PLXDC2: variants seen among roughly 807,000 people sequenced by gnomAD.
PLXDC2 encodes the protein plexin domain containing 2.
PLXDC2 carries 40 observed loss-of-function variants against 68.9 expected under a neutral mutation model. The observed-to-expected ratio is 0.58, with a 90% CI of 0.45 to 0.76. The LOEUF (loss-of-function observed/expected upper bound fraction) is 0.76. Among genes scored for constraint, PLXDC2 ranks in the 30% least tolerant of loss-of-function variants. PLXDC2 has a pLI of 0.00. For synonymous variants in PLXDC2, 243 were observed against 234.2 expected, an observed-to-expected ratio of 1.04 and a Z score of -0.34; for missense variants, 644 against 661.9, an observed-to-expected ratio of 0.97 and a Z score of 0.30.
At chr10:19,997,119 C>T (rs1336707413) in intron 1 of PLXDC2, among the ~76,000 whole-genome samples, 2 of 152,194 alleles carry the variant, frequency 1.3e-5, no homozygotes, top group Admixed American at 6.5e-5. Context: ...TCCCATTCAA[C>T]TCCTTAGTAT....
intron 5 of PLXDC2, among the ~76,000 whole-genome samples, chr10:20,146,425 C>A (rs1485256087): frequency 6.7e-6 from 1 of 148,700 alleles, no homozygotes; most frequent in Non-Finnish European, 1.5e-5. Flanking sequence ...TTCTTTCTTT[C>A]TTTCTTTTTC....
At chr10:20,039,579 A>G (rs1454545598) in intron 2 of PLXDC2, among the ~76,000 whole-genome samples, 4 of 152,214 alleles carry the variant, frequency 2.6e-5, no homozygotes, top group Non-Finnish European at 5.9e-5. Flanking sequence ...TAGAAATTCT[A>G]TAGAACTATT....
At chr10:20,018,569 C>A (rs1402566400) in intron 2 of PLXDC2, among the ~76,000 whole-genome samples, 2 of 152,176 alleles carry the variant, frequency 1.3e-5, no homozygotes, top group African/African-American at 4.8e-5. Flanking sequence ...AGGAAATTTA[C>A]TGCCTGCTTA....
intron 2 of PLXDC2, among the ~76,000 whole-genome samples, chr10:20,044,232 T>C (rs1298873014): frequency 2.5e-5 from 2 of 79,112 alleles, no homozygotes; most frequent in African/African-American, 6.4e-5. Context: ...TTTCTTTCTT[T>C]CTTTCTTTCT....
rs368518291 is a variant in PLXDC2 at position 20,169,582 on chromosome 10, A to G, written c.883+5015A>G. Among the ~76,000 whole-genome samples the G allele has an allele frequency of 3.1e-4, 47 of 152,190 alleles. 1 individual carries two copies. Among genetic ancestry groups the G allele is most frequent in the African/African-American group, 9.9e-4 (41 of 41,540 alleles). ...CACTAATTTGTTTCTCTCTCCTCCA[A>G]TGTAACATTTTGAATTTCAATCATC... On this transcript the variant is annotated intron_variant, in intron 7 of 13. Transcript: ENST00000377252.
chr10:20,208,374 G>T (rs951391611), intron 9 of PLXDC2, among the ~76,000 whole-genome samples: 2 of 152,092 alleles, frequency 1.3e-5, no homozygotes, highest in African/African-American at 4.8e-5. Flanking sequence ...AAAGCCATCA[G>T]ATCTTGTGAG....
intron 1 of PLXDC2, among the ~76,000 whole-genome samples, chr10:19,922,797 A>C (rs1046772666): frequency 6.6e-6 from 1 of 152,142 alleles, no homozygotes; most frequent in Non-Finnish European, 1.5e-5. Flanking sequence ...AGAAATTCCC[A>C]TTTTGGACTG....
intron 9 of PLXDC2, among the ~76,000 whole-genome samples, chr10:20,210,887 T>A (rs978056103): frequency 2.0e-5 from 3 of 152,160 alleles, no homozygotes; most frequent in Non-Finnish European, 4.4e-5. Context: ...TCTCCAGGGT[T>A]TTTATTAAGG....
intron 7 of PLXDC2, among the ~76,000 whole-genome samples, chr10:20,172,346 G>T (rs543565655): frequency 4.1e-4 from 63 of 152,056 alleles, no homozygotes; most frequent in African/African-American, 1.5e-3. Context: ...AAAACACCAG[G>T]TTCAGGACAA....
chr10:20,129,997 T>C (rs1833846147), intron 4 of PLXDC2, among the ~76,000 whole-genome samples: 1 of 152,324 alleles, frequency 6.6e-6, no homozygotes, highest in Non-Finnish European at 1.5e-5. Flanking sequence ...GTTACAGGCC[T>C]TTTGTGGTTC....
chr10:19,867,169 A>G (rs1837436172), intron 1 of PLXDC2, among the ~76,000 whole-genome samples: 1 of 150,590 alleles, frequency 6.6e-6, no homozygotes, highest in Non-Finnish European at 1.5e-5. Context: ...GAGTACAAGC[A>G]ATTCTCCTGC....
chr10:19,833,663 A>G (rs1257412751), intron 1 of PLXDC2, among the ~76,000 whole-genome samples: 2 of 152,200 alleles, frequency 1.3e-5, no homozygotes, highest in Non-Finnish European at 2.9e-5. Flanking sequence ...TTATTAATGT[A>G]CTTGTTTCTA....
At chr10:19,885,094 T>G (rs1837817179) in intron 1 of PLXDC2, among the ~76,000 whole-genome samples, 1 of 152,216 alleles carries the variant, frequency 6.6e-6, no homozygotes, top group Non-Finnish European at 1.5e-5. Flanking sequence ...TGCATTTCTC[T>G]GATGGCCAGT....
intron 4 of PLXDC2, among the ~76,000 whole-genome samples, chr10:20,122,358 G>A (rs1833710447): frequency 6.6e-6 from 1 of 152,182 alleles, no homozygotes; most frequent in African/African-American, 2.4e-5. Flanking sequence ...TCCACTGTGT[G>A]AGTTACCTGA....
At chr10:19,888,632 G>T (rs866027952) in intron 1 of PLXDC2, among the ~76,000 whole-genome samples, 6 of 152,162 alleles carry the variant, frequency 3.9e-5, no homozygotes, top group Admixed American at 2.6e-4. Context: ...TTAGGCAGAT[G>T]AAACAGAGAC....
chr10:19,859,519 T>C (rs1837280443), intron 1 of PLXDC2, among the ~76,000 whole-genome samples: 1 of 152,188 alleles, frequency 6.6e-6, no homozygotes, highest in Non-Finnish European at 1.5e-5. Context: ...ATGCAAATAA[T>C]ATGTAATTGA....
At position 20,285,145 on chromosome 10, in the gene PLXDC2, T is replaced by C. The variant is rs1004175278; in HGVS notation, c.*5326T>C. On this transcript the variant is annotated 3_prime_UTR_variant, in exon 14 of 14. Coordinates refer to ENST00000377252, the MANE Select transcript of PLXDC2 (RefSeq NM_032812.9). ...AATTTTTATTTGCTCTTCAAACTAT[T>C]ACAACATTTTTGTCCTTATAAGGTT... is the stretch of plus-strand genomic sequence containing the variant. 6.6e-6 allele frequency: 1 copy of C among 152,240 alleles called. No individual in the cohort carries two copies. The highest frequency in any genetic ancestry group is 6.5e-5 in the Admixed American group (1 of 15,286). The allele number at this position is 152,240 out of a possible 1,614,324, so 9.4% of individuals were successfully genotyped here.
At chr10:19,821,124 T>C (rs949230789) in intron 1 of PLXDC2, among the ~76,000 whole-genome samples, 6 of 152,152 alleles carry the variant, frequency 3.9e-5, no homozygotes, top group African/African-American at 1.4e-4. Flanking sequence ...AATAAATAAA[T>C]GAAGTCTTCA....
intron 1 of PLXDC2, among the ~76,000 whole-genome samples, chr10:19,905,450 A>G (rs1212379686): frequency 1.3e-5 from 2 of 152,198 alleles, no homozygotes; most frequent in Admixed American, 1.3e-4. Flanking sequence ...ATAAGCAATT[A>G]AAGGTTGTTT....
Sources: allele counts gnomAD v4.1 joint callset (sites outside exome capture counted in the v4.1 genomes callset), GRCh38; gene constraint gnomAD v4.1.1; transcripts MANE v1.5; gene names NCBI Gene and HGNC (gene_info 2026-07-23, HGNC 2026-07-21).